PHEX: variants seen among roughly 807,000 people sequenced by gnomAD.
The protein encoded by PHEX is phosphate regulating endopeptidase X-linked.
PHEX carries 16 observed loss-of-function variants against 68.0 expected under a neutral mutation model. That is an observed-to-expected ratio of 0.24 (90% CI 0.16 to 0.36). The LOEUF is 0.36. Among genes scored for constraint, PHEX ranks in the 10% least tolerant of loss-of-function variants. PHEX has a pLI of 1.00. For synonymous variants in PHEX, 208 were observed against 205.1 expected, an observed-to-expected ratio of 1.01 and a Z score of -0.12; for missense variants, 480 against 575.5, an observed-to-expected ratio of 0.83 and a Z score of 1.70.
intron 9 of PHEX, among the ~76,000 whole-genome samples, chrX:22,107,001 G>T (rs1344213525): frequency 2.7e-5 from 3 of 110,962 alleles, no homozygotes; most frequent in Non-Finnish European, 3.8e-5. Flanking sequence ...ATTGGCCTGG[G>T]GTGGCCTAGG....
At chrX:22,074,853 A>T (rs1929074553) in intron 3 of PHEX, among the ~76,000 whole-genome samples, 1 of 111,470 alleles carries the variant, frequency 9.0e-6, no homozygotes, top group Admixed American at 9.6e-5. Flanking sequence ...AGGCAGGTGG[A>T]TCACCTGAGG....
intron 11 of PHEX, among the ~76,000 whole-genome samples, chrX:22,129,406 G>A (rs961074687): frequency 1.8e-5 from 2 of 111,896 alleles, no homozygotes; most frequent in African/African-American, 6.5e-5. Context: ...CATGCTGCCA[G>A]GATGCACATA....
chrX:22,041,074 A>G (rs1927251636), intron 2 of PHEX, among the ~76,000 whole-genome samples: 1 of 108,879 alleles, frequency 9.2e-6, no homozygotes. Flanking sequence ...GAACAAAAGC[A>G]GACAATTGTG....
intron 5 of PHEX, among the ~76,000 whole-genome samples, chrX:22,083,726 T>C (rs750117837): frequency 8.9e-6 from 1 of 112,175 alleles, no homozygotes; most frequent in African/African-American, 3.2e-5. Flanking sequence ...GTTCTAATAG[T>C]TTTTTGGTAG....
rs141135951 is a variant in PHEX, at chrX:22,239,271, A to T, written c.2071-6062A>T. Among the ~76,000 whole-genome samples, 360 of 111,798 alleles carry T rather than the reference A, an allele frequency of 3.2e-3. 1 individual carries two copies. The highest frequency in any genetic ancestry group is 0.014 in the Middle Eastern group (3 of 217). On this transcript the variant is annotated intron_variant, in intron 20 of 21. Coordinates refer to ENST00000379374, the MANE Select transcript of PHEX (RefSeq NM_000444.6). ...ACCAAAGGTAGATAAATCCACGAGG[A>T]TGGGGAGAAACCAGTGCAAAAAGGC...
chrX:22,142,827 G>C (rs1298202725), intron 12 of PHEX, among the ~76,000 whole-genome samples: 2 of 112,666 alleles, frequency 1.8e-5, no homozygotes, highest in African/African-American at 6.4e-5. Flanking sequence ...CAGTTATACT[G>C]TATTTAGGGC....
intron 3 of PHEX, among the ~76,000 whole-genome samples, chrX:22,062,275 A>G (rs1928402766): frequency 9.0e-6 from 1 of 111,686 alleles, no homozygotes; most frequent in African/African-American, 3.3e-5. Flanking sequence ...TATTCACACA[A>G]TTAGAGACCT....
intron 15 of PHEX, among the ~76,000 whole-genome samples, chrX:22,208,875 A>G (rs1035531841): frequency 1.8e-5 from 2 of 112,294 alleles, no homozygotes; most frequent in Non-Finnish European, 3.8e-5. Context: ...GGCTTTTGAG[A>G]AAAATGAGGT....
intron 12 of PHEX, 29 bp from the exon 13 acceptor site, chrX:22,168,283 G>C: frequency 6.6e-6 from 7 of 1,061,956 alleles, no homozygotes; most frequent in Non-Finnish European, 9.2e-6. Flanking sequence ...CTGAAACTCT[G>C]ACATTATTTT....
chrX:22,104,293 A>C (rs1319439285), intron 9 of PHEX, among the ~76,000 whole-genome samples: 1 of 110,899 alleles, frequency 9.0e-6, no homozygotes, highest in Non-Finnish European at 1.9e-5. Flanking sequence ...TAGGTGGTGC[A>C]TGGTACAGAA....
intron 11 of PHEX, among the ~76,000 whole-genome samples, chrX:22,131,501 TG>T (rs1195332883): frequency 8.8e-6 from 1 of 113,081 alleles, no homozygotes; most frequent in Non-Finnish European, 1.9e-5. Context: ...TTTACCAAGT[TG>T]GGAAGAAATA....
chrX:22,131,290 C>G lies in PHEX; in HGVS notation c.1303-2233C>G, dbSNP rs2301313. On this transcript the variant is annotated intron_variant, in intron 11 of 21. Transcript: ENST00000379374. ...TCCTGACCTCAAGTAATCTGCCCGCCTCAGCCTCCCAAAGTGCTGGGATTA... is the reference window on the plus strand; with the variant it reads ...TCCTGACCTCAAGTAATCTGCCCGCGTCAGCCTCCCAAAGTGCTGGGATTA... Among the ~76,000 whole-genome samples the G allele has an allele frequency of 4.3e-4, 48 of 112,012 alleles. No individual in the cohort carries two copies. The East Asian group carries it at 9.2e-3, about 22-fold the overall frequency.
intron 15 of PHEX, among the ~76,000 whole-genome samples, chrX:22,201,789 A>C (rs1487306745): frequency 9.0e-6 from 1 of 111,378 alleles, no homozygotes; most frequent in Non-Finnish European, 1.9e-5. Context: ...TGGTAGTAGG[A>C]AAGCATGAAA....
At chrX:22,066,195 G>C (rs1049356743) in intron 3 of PHEX, among the ~76,000 whole-genome samples, 1 of 111,991 alleles carries the variant, frequency 8.9e-6, no homozygotes, top group African/African-American at 3.2e-5. Context: ...TGTAATGAGC[G>C]ATATGTTTTG....
intron 9 of PHEX, among the ~76,000 whole-genome samples, chrX:22,107,591 C>T (rs1184173182): frequency 8.9e-6 from 1 of 111,734 alleles, no homozygotes; most frequent in African/African-American, 3.3e-5. Context: ...TCCAACATAT[C>T]AGCCGATTCC....
Position 22,140,137 on chromosome X carries a change from T to C in PHEX, c.1404+6513T>C, listed in dbSNP as rs781313243. On this transcript the variant is annotated intron_variant, in intron 12 of 21. Transcript: ENST00000379374. ...CTGTGCTTTGAGAGCTCTAGGTGAT[T>C]ACAAGTGAAAATGTCCTTATGCCAA... is the stretch of plus-strand genomic sequence containing the variant. Among the ~76,000 whole-genome samples, 4 of 111,694 alleles carry C rather than the reference T, an allele frequency of 3.6e-5. 1 individual carries two copies. In the South Asian group the frequency reaches 1.5e-3, roughly 42 times the overall value.
At chrX:22,198,635 G>C (rs1359359649) in intron 15 of PHEX, among the ~76,000 whole-genome samples, 1 of 111,768 alleles carries the variant, frequency 8.9e-6, no homozygotes, top group African/African-American at 3.3e-5. Flanking sequence ...CTGTGAGATG[G>C]CCACAAATGC....
intron 12 of PHEX, among the ~76,000 whole-genome samples, chrX:22,163,934 G>A (rs1006952972): frequency 3.6e-5 from 4 of 112,081 alleles, no homozygotes; most frequent in African/African-American, 6.5e-5. Flanking sequence ...GGAGGCTTAG[G>A]TAACCTTTCA....
At chrX:22,164,613 T>C (rs1933249503) in intron 12 of PHEX, among the ~76,000 whole-genome samples, 1 of 112,032 alleles carries the variant, frequency 8.9e-6, no homozygotes, top group Admixed American at 9.5e-5. Context: ...CAGAAAACAA[T>C]TGTGGATGAC....
Sources: allele counts gnomAD v4.1 joint callset (sites outside exome capture counted in the v4.1 genomes callset), GRCh38; gene constraint gnomAD v4.1.1; transcripts MANE v1.5; gene names NCBI Gene and HGNC (gene_info 2026-07-23, HGNC 2026-07-21).